CYFIP1: variants seen among roughly 807,000 people sequenced by gnomAD.
The protein encoded by CYFIP1 is cytoplasmic FMR1 interacting protein 1.
In CYFIP1, 58 loss-of-function variants were observed where a neutral mutation model predicts 163.5. The observed-to-expected ratio is 0.35, with a 90% CI of 0.29 to 0.44. CYFIP1 has a LOEUF of 0.44. CYFIP1 is among the 20% of genes least tolerant of loss of function. The probability of loss-of-function intolerance (pLI) is 1.00; values close to 1 mark genes in which losing one functional copy is unlikely to be tolerated. For missense variants in CYFIP1, 1,338 were observed against 1,653.8 expected, an observed-to-expected ratio of 0.81 and a Z score of 3.31; for synonymous variants, 663 against 660.7, an observed-to-expected ratio of 1.00 and a Z score of -0.05.
rs759007201 is a variant in CYFIP1 at position 22,943,262 on chromosome 15, T to A, written c.480A>T (p.Thr160=). ...CGAACATGTTGATGAATTTGCCCAG[T>A]GTGATCAGGTAGGCTTCTGACACGA... ...KDFVSEAYLI[T]LGKFINMFAV... The change falls in exon 6 of 31, where the codon ACA becomes ACT. Residue 160 remains threonine, a synonymous_variant. Transcript: ENST00000617928. The A allele has an allele frequency of 1.2e-6, 2 of 1,614,230 alleles. No homozygotes were observed. The highest frequency in any genetic ancestry group is 8.5e-7 in the Non-Finnish European group (1 of 1,180,030).
At chr15:22,925,766 C>A (rs1336947303) in intron 13 of CYFIP1, among the ~76,000 whole-genome samples, 1 of 152,110 alleles carries the variant, frequency 6.6e-6, no homozygotes, top group Non-Finnish European at 1.5e-5. Flanking sequence ...GTCCAGGAGT[C>A]CAGATTCGCA....
intron 22 of CYFIP1, among the ~76,000 whole-genome samples, chr15:22,897,107 G>C (rs2060261352): frequency 6.6e-6 from 1 of 152,088 alleles, no homozygotes; most frequent in Non-Finnish European, 1.5e-5. Context: ...CAGGTACTCG[G>C]GAGGCTGAGG....
chr15:22,944,331 T>C (rs12148232), intron 5 of CYFIP1, among the ~76,000 whole-genome samples: 72,765 of 148,630 alleles, frequency 0.49, 17,699 homozygotes, highest in Middle Eastern at 0.58. Context: ...GAAGGAAACA[T>C]AAAATCACTC....
intron 8 of CYFIP1, 118 bp from the exon 9 acceptor site, chr15:22,937,326 A>T: frequency 1.5e-6 from 1 of 658,112 alleles, no homozygotes; most frequent in Non-Finnish European, 2.7e-6. Context: ...ATAGATCACA[A>T]AGATCTATCT....
intron 22 of CYFIP1, among the ~76,000 whole-genome samples, chr15:22,896,936 G>A (rs751388520): frequency 9.2e-5 from 14 of 152,076 alleles, no homozygotes; most frequent in Non-Finnish European, 1.5e-5. Flanking sequence ...GCCGGGCGAG[G>A]TGGCTCACGG....
Position 22,929,777 on chromosome 15 carries a change from T to C in CYFIP1, c.1111-1749A>G, listed in dbSNP as rs1405753146. Among the ~76,000 whole-genome samples, 4 of 130,984 alleles carry C rather than the reference T, an allele frequency of 3.1e-5. No individual in the cohort carries two copies. The East Asian group carries it at 7.5e-4, about 24-fold the overall frequency. The allele number at this position is 130,984 out of a possible 152,430, so 85.9% of individuals were successfully genotyped here. On this transcript the variant is annotated intron_variant, in intron 11 of 30. Transcript: ENST00000617928. The stretch of plus-strand genomic sequence containing the variant: ...AGTGAAACCCCATCTCTACTAAAAA[T>C]ACAAAAAAATTAGCCGGGCGTGGTG...
In CYFIP1 at chr15:22,867,622, T is replaced by TGA. The variant is rs2059200947; in HGVS notation, c.*2404_*2405dup. ...TGTACTTTTCAGTATATTTTCATAA[T>TGA]GAGTTATATTGTCATTTAGACTTTG... On this transcript the variant is annotated 3_prime_UTR_variant, in exon 31 of 31. Transcript: ENST00000617928. The TGA allele has an allele frequency of 6.3e-6, 1 of 158,880 alleles. No individual in the cohort carries two copies. The highest frequency in any genetic ancestry group is 2.4e-5 in the African/African-American group (1 of 41,722). 9.8% of individuals were successfully genotyped at this position (158,880 alleles called of 1,614,324 possible).
chr15:22,908,782 G>A (rs947232648), intron 21 of CYFIP1, among the ~76,000 whole-genome samples: 2 of 151,978 alleles, frequency 1.3e-5, no homozygotes, highest in Non-Finnish European at 1.5e-5. Context: ...ACCCCCGCAG[G>A]CCTCCCAAAG....
intron 1 of CYFIP1, among the ~76,000 whole-genome samples, chr15:22,964,749 T>C (rs1443529736): frequency 3.3e-5 from 5 of 152,098 alleles, no homozygotes; most frequent in African/African-American, 4.8e-5. Context: ...GACGGCGAAA[T>C]TGAGGGCCAG....
In CYFIP1 at chr15:22,927,886, G is replaced by A. The variant is rs775741801; in HGVS notation, c.1233+20C>T. On this transcript the variant is annotated intron_variant, in intron 12 of 30. Transcript: ENST00000617928. ...CCGAGGCAGCTTTGGAGCGGGGCTG[G>A]GGTCGGGGACGGGGCCTACCACTTC... is the stretch of plus-strand genomic sequence containing the variant. 1 of 1,586,848 alleles carries A rather than the reference G, an allele frequency of 6.3e-7. No homozygotes were observed. Among genetic ancestry groups the A allele is most frequent in the South Asian group, 1.1e-5 (1 of 87,002 alleles).
chr15:22,872,907 C>T lies in CYFIP1; in HGVS notation c.3515G>A (p.Arg1172Gln), dbSNP rs752922625. ...GCAGAAATCCAGCACAGCAAAACGCCGCTGCTGCCCAAGAAGTACGATGAT... is the reference window on the plus strand; with the variant it reads ...GCAGAAATCCAGCACAGCAAAACGCTGCTGCTGCCCAAGAAGTACGATGAT... ...CMIIVLLGQQ[R>Q]RFAVLDFCYH... The change falls in exon 30 of 31, where the codon CGG (arginine) becomes CAG (glutamine). Residue 1172 changes from arginine to glutamine, a missense_variant. Coordinates refer to ENST00000617928, the MANE Select transcript of CYFIP1 (RefSeq NM_014608.6). The T allele has an allele frequency of 1.1e-5, 17 of 1,614,114 alleles. No individual in the cohort carries two copies. The highest frequency in any genetic ancestry group is 1.7e-4 in the Middle Eastern group (1 of 6,060).
At chr15:22,918,908 G>T (rs747287378) in intron 13 of CYFIP1, 50 bp from the exon 14 acceptor site, 13 of 1,429,368 alleles carry the variant, frequency 9.1e-6, no homozygotes, top group Non-Finnish European at 1.1e-5. Flanking sequence ...ATGGCACCAA[G>T]CCTCCTCTGC....
intron 1 of CYFIP1, among the ~76,000 whole-genome samples, chr15:22,961,003 T>C (rs1476490294): frequency 1.0e-5 from 1 of 98,264 alleles, no homozygotes; most frequent in African/African-American, 3.5e-5. Flanking sequence ...GTATTTCATT[T>C]ATTTATTTAT....
chr15:22,928,469 T>C (rs922734242), intron 11 of CYFIP1, among the ~76,000 whole-genome samples: 3 of 152,040 alleles, frequency 2.0e-5, no homozygotes, highest in African/African-American at 7.2e-5. Flanking sequence ...TGCTGGACCC[T>C]CCTCCCGGGA....
chr15:22,880,941 C>T (rs941040330), intron 25 of CYFIP1, among the ~76,000 whole-genome samples: 1 of 152,154 alleles, frequency 6.6e-6, no homozygotes, highest in African/African-American at 2.4e-5. Flanking sequence ...CTGAAATTTC[C>T]ATCTCTAGTC....
rs768834889 is a variant in CYFIP1, at chr15:22,873,645, G to A, written c.3295C>T (p.Arg1099Trp). Residue 1099 changes from arginine to tryptophan, a missense_variant, in exon 29 of 31, where the codon CGG (arginine) becomes TGG (tryptophan). By Grantham distance (101) the Arg-to-Trp change is moderately radical. Coordinates refer to ENST00000617928, the MANE Select transcript of CYFIP1 (RefSeq NM_014608.6). ...GLSMFEVILT[R>W]IRSFLDDPIW... ...GGGTCATCCAGAAAGCTCCGGATCC[G>A]TGTCAGGATGACCTCAAACATGGAC... is the stretch of plus-strand genomic sequence containing the variant. 29 of 1,614,134 alleles carry A rather than the reference G, an allele frequency of 1.8e-5. No homozygotes were observed. The highest frequency in any genetic ancestry group is 3.3e-5 in the Admixed American group (2 of 60,012).
Position 22,948,863 on chromosome 15 carries a change from T to C in CYFIP1, c.-6-1572A>G, listed in dbSNP as rs184210421. Among the ~76,000 whole-genome samples, 13 of 147,600 alleles carry C rather than the reference T, an allele frequency of 8.8e-5. No individual in the cohort carries two copies. In the East Asian group the frequency reaches 2.4e-3, roughly 27 times the overall value. On this transcript the variant is annotated intron_variant, in intron 1 of 30. Coordinates refer to ENST00000617928, the MANE Select transcript of CYFIP1 (RefSeq NM_014608.6). ...CAGTGAACTTGAAGATAGAGCAATG[T>C]TAAGTTTTCTAATCTGAATACCAGA...
At chr15:22,923,964 A>C (rs2061276397) in intron 13 of CYFIP1, among the ~76,000 whole-genome samples, 1 of 151,410 alleles carries the variant, frequency 6.6e-6, no homozygotes, top group Non-Finnish European at 1.5e-5. Context: ...AAAAAAAAAA[A>C]ACAAGAAAAA....
At chr15:22,872,133 C>T (rs1027300453) in intron 30 of CYFIP1, among the ~76,000 whole-genome samples, 2 of 151,570 alleles carry the variant, frequency 1.3e-5, no homozygotes, top group Non-Finnish European at 1.5e-5. Flanking sequence ...TACAAAATTA[C>T]AAAATACAAA....
Sources: allele counts gnomAD v4.1 joint callset (sites outside exome capture counted in the v4.1 genomes callset), GRCh38; gene constraint gnomAD v4.1.1; transcripts MANE v1.5; gene names NCBI Gene and HGNC (gene_info 2026-07-23, HGNC 2026-07-21).